Variants in DMD observed in about 807,000 individuals in gnomAD.
DMD encodes the protein dystrophin.
In DMD, 63 loss-of-function variants were observed where a neutral mutation model predicts 330.1. That is an observed-to-expected ratio of 0.19 (90% CI 0.16 to 0.24). The LOEUF is 0.24. Ranked by LOEUF, DMD falls within the 10% of genes least tolerant of loss-of-function variation. The pLI is 1.00. For missense variants in DMD, 3,344 were observed against 2,684.1 expected (o/e 1.25, Z -5.43); for synonymous variants, 1,223 against 959.8 (o/e 1.27, Z -5.07).
At chrX:31,139,658 G>A (rs1266454069) in intron 76 of DMD, among the ~76,000 whole-genome samples, 1 of 106,451 alleles carries the variant, frequency 9.4e-6, no homozygotes, top group Non-Finnish European at 1.9e-5. Flanking sequence ...TAAGCTATGC[G>A]GATGCAAAGG....
intron 1 of DMD, among the ~76,000 whole-genome samples, chrX:33,076,678 G>T (rs955625633): frequency 8.9e-6 from 1 of 111,891 alleles, no homozygotes; most frequent in Non-Finnish European, 1.9e-5. Flanking sequence ...TAAGGCTTTT[G>T]GTTATGTATA....
chrX:32,192,110 G>T (rs1265483016), intron 44 of DMD, among the ~76,000 whole-genome samples: 1 of 111,942 alleles, frequency 8.9e-6, no homozygotes, highest in Non-Finnish European at 1.9e-5. Flanking sequence ...ATATCAGGAA[G>T]CAAAATTGCA....
intron 19 of DMD, among the ~76,000 whole-genome samples, chrX:32,492,280 G>C (rs228310): frequency 9.0e-6 from 1 of 111,476 alleles, no homozygotes; most frequent in South Asian, 3.7e-4. Context: ...GGAGCTTGCA[G>C]TGAGCGGAGA....
In DMD at chrX:32,938,027, C is replaced by T. The variant is rs73219759; in HGVS notation, c.93+82112G>A. On this transcript the variant is annotated intron_variant, in intron 2 of 78. Coordinates refer to ENST00000357033, the MANE Select transcript of DMD (RefSeq NM_004006.3). ...AGGAAACTTTTCAAACTGAGATGCT[C>T]GGATTACAGACCACTTAAGTCAGAC... 8.4e-3 allele frequency among the ~76,000 whole-genome samples: 933 copies of T among 111,026 alleles called. 1 individual carries two copies. Among genetic ancestry groups the T allele is most frequent in the Middle Eastern group, 0.019 (4 of 212 alleles).
chrX:32,356,378 GTAAAAAA>G (rs1228651436), intron 37 of DMD, among the ~76,000 whole-genome samples: 1 of 17,529 alleles, frequency 5.7e-5, no homozygotes, highest in Non-Finnish European at 9.7e-5. Context: ...CTGAATGGAA[GTAAAAAA>G]AAAAAAAAAA....
At chrX:31,994,739 A>G (rs1322888167) in intron 44 of DMD, among the ~76,000 whole-genome samples, 1 of 111,856 alleles carries the variant, frequency 8.9e-6, no homozygotes, top group African/African-American at 3.2e-5. Context: ...GTTTTATTCC[A>G]AGTTATACAG....
chrX:32,891,162 A>G (rs2085161271), intron 2 of DMD, among the ~76,000 whole-genome samples: 2 of 112,412 alleles, frequency 1.8e-5, no homozygotes, highest in South Asian at 3.7e-4. Flanking sequence ...GGCCTGGAGT[A>G]CAGTTCAAAA....
intron 7 of DMD, among the ~76,000 whole-genome samples, chrX:32,726,825 A>G (rs1050343001): frequency 3.6e-5 from 4 of 110,724 alleles, no homozygotes; most frequent in African/African-American, 6.5e-5. Flanking sequence ...GAAATTATAA[A>G]TATATAAGAT....
rs755445299 is a variant in DMD at position 32,695,849 on chromosome X, G to T, written c.960+2021C>A. ...TGAGTTTCATAAGCTAAAGAAGTTG[G>T]AAGAACAGAAAGAGCCAGGTAATGA... On this transcript the variant is annotated intron_variant, in intron 9 of 78. Coordinates refer to ENST00000357033, the MANE Select transcript of DMD (RefSeq NM_004006.3). Among the ~76,000 whole-genome samples the T allele has an allele frequency of 1.4e-3, 158 of 112,012 alleles. 1 individual carries two copies. Among genetic ancestry groups the T allele is most frequent in the African/African-American group, 4.8e-3 (148 of 30,877 alleles).
At chrX:32,409,104 A>C (rs768119609) in intron 30 of DMD, among the ~76,000 whole-genome samples, 134 of 111,696 alleles carry the variant, frequency 1.2e-3, no homozygotes, top group African/African-American at 4.2e-3. Context: ...TCCTTGAAGC[A>C]AATCTGAGTA....
chrX:32,254,955 T>C (rs947974357), intron 43 of DMD, among the ~76,000 whole-genome samples: 1 of 111,922 alleles, frequency 8.9e-6, no homozygotes, highest in Non-Finnish European at 1.9e-5. Context: ...ACTCTTCATC[T>C]TTCTAAACTG....
intron 44 of DMD, among the ~76,000 whole-genome samples, chrX:32,055,966 A>C (rs1289822062): frequency 1.8e-5 from 2 of 111,282 alleles, no homozygotes; most frequent in Non-Finnish European, 3.8e-5. Flanking sequence ...GGAAATAAGA[A>C]AGTTAGATGT....
chrX:31,972,588 G>T (rs1164206808), intron 44 of DMD, among the ~76,000 whole-genome samples: 3 of 110,224 alleles, frequency 2.7e-5, no homozygotes, highest in Non-Finnish European at 5.7e-5. Context: ...TAGGGAGCAA[G>T]ATAAAAAAAC....
chrX:33,088,529 C>G (rs1231024353), intron 1 of DMD, among the ~76,000 whole-genome samples: 1 of 110,731 alleles, frequency 9.0e-6, no homozygotes, highest in African/African-American at 3.3e-5. Context: ...ATCGTATGTG[C>G]ATTAGAGAGC....
chrX:32,713,473 T>C (rs1014318694), intron 7 of DMD, among the ~76,000 whole-genome samples: 1 of 111,581 alleles, frequency 9.0e-6, no homozygotes, highest in Non-Finnish European at 1.9e-5. Context: ...ATCTGAGTTC[T>C]ACCAACAACT....
intron 1 of DMD, among the ~76,000 whole-genome samples, chrX:33,229,196 A>G (rs1265747547): frequency 9.0e-6 from 1 of 111,318 alleles, no homozygotes; most frequent in Admixed American, 9.6e-5. Flanking sequence ...TCAGATCAAA[A>G]GTTTTAATTT....
intron 44 of DMD, among the ~76,000 whole-genome samples, chrX:32,025,796 A>T (rs1239631308): frequency 8.9e-6 from 1 of 111,889 alleles, no homozygotes; most frequent in Non-Finnish European, 1.9e-5. Context: ...GACCTTGAGA[A>T]GTCAAGAAGT....
Position 31,222,172 on chromosome X carries a change from G to A in DMD, c.9361+875C>T, listed in dbSNP as rs376431334. 8.8e-4 allele frequency among the ~76,000 whole-genome samples: 93 copies of A among 105,880 alleles called. 1 individual carries two copies. The highest frequency in any genetic ancestry group is 3.1e-3 in the African/African-American group (88 of 28,530). 91.9% of individuals were successfully genotyped at this position (105,880 alleles called of 115,157 possible). ...GAACGCGCCACTGCACTCCAGCCAG[G>A]GTGACAGAGCGAGACTCTGTCTCAA... On this transcript the variant is annotated intron_variant, in intron 64 of 78. Transcript: ENST00000357033.
At chrX:33,158,229 CATTA>C (rs1188975756) in intron 1 of DMD, among the ~76,000 whole-genome samples, 1 of 111,688 alleles carries the variant, frequency 9.0e-6, no homozygotes, top group Non-Finnish European at 1.9e-5. Flanking sequence ...CTCTGTAATG[CATTA>C]ATTATTTGCT....
Sources: gnomAD v4.1 joint callset for allele counts (sites outside exome capture counted in the v4.1 genomes callset) on GRCh38, gnomAD v4.1.1 for gene constraint, MANE v1.5 for transcripts, NCBI Gene and HGNC (gene_info 2026-07-23, HGNC 2026-07-21) for gene names.